SLIT2: variants seen among roughly 807,000 people sequenced by gnomAD.
The protein encoded by SLIT2 is slit guidance ligand 2, also known as slit homolog 2 protein.
In SLIT2, 41 loss-of-function variants were observed where a neutral mutation model predicts 185.7. The ratio of observed to expected loss-of-function variants is 0.22; its 90% CI spans 0.17 to 0.29. The LOEUF (loss-of-function observed/expected upper bound fraction) is 0.29, where lower values mean the gene tolerates loss of function less well. Among genes scored for constraint, SLIT2 ranks in the 10% least tolerant of loss-of-function variants. The pLI is 1.00. For missense variants in SLIT2, 1,571 were observed against 1,909.0 expected (o/e 0.82, Z 3.30); for synonymous variants, 693 against 680.2 (o/e 1.02, Z -0.29).
chr4:20,497,646 C>T (rs144317549), intron 9 of SLIT2, among the ~76,000 whole-genome samples: 49 of 152,188 alleles, frequency 3.2e-4, no homozygotes, highest in African/African-American at 1.1e-3. Context: ...CTTATTTCCC[C>T]GAATCTTCTC....
At chr4:20,443,515 T>C (rs1287370457) in intron 4 of SLIT2, among the ~76,000 whole-genome samples, 2 of 145,062 alleles carry the variant, frequency 1.4e-5, no homozygotes, top group African/African-American at 5.1e-5. Context: ...CATTCATTCA[T>C]TCATCACAAG....
intron 29 of SLIT2, among the ~76,000 whole-genome samples, chr4:20,587,604 TC>T (rs1727167266): frequency 1.3e-5 from 2 of 152,204 alleles, no homozygotes; most frequent in Non-Finnish European, 1.5e-5. Context: ...GTGGAGTAAT[TC>T]CTTTTAGACA....
chr4:20,494,121 G>A (rs1032907342), intron 9 of SLIT2, among the ~76,000 whole-genome samples: 4 of 152,250 alleles, frequency 2.6e-5, no homozygotes, highest in African/African-American at 9.6e-5. Flanking sequence ...TCTGATGGCT[G>A]TGTGCCAGTG....
At chr4:20,273,441 T>G (rs1713841242) in intron 4 of SLIT2, among the ~76,000 whole-genome samples, 1 of 152,120 alleles carries the variant, frequency 6.6e-6, no homozygotes, top group Admixed American at 6.6e-5. Flanking sequence ...GCTTGACCTT[T>G]AGAAGCTCTC....
intron 3 of SLIT2, among the ~76,000 whole-genome samples, chr4:20,268,317 C>A (rs1713244631): frequency 6.6e-6 from 1 of 151,362 alleles, no homozygotes; most frequent in South Asian, 2.1e-4. Flanking sequence ...TGGGACAAAT[C>A]ATGCTGACAA....
intron 4 of SLIT2, among the ~76,000 whole-genome samples, chr4:20,301,008 A>G (rs1716989500): frequency 6.6e-6 from 1 of 152,090 alleles, no homozygotes; most frequent in Non-Finnish European, 1.5e-5. Context: ...ATTTTGCCTT[A>G]TGCTAAAGAC....
At chr4:20,291,490 ATATTTTTTTTTTTTTTTTT>A (rs1489602336) in intron 4 of SLIT2, among the ~76,000 whole-genome samples, 2 of 9,960 alleles carry the variant, frequency 2.0e-4, no homozygotes, top group Non-Finnish European at 3.2e-4. Context: ...ATATATATAT[ATATTTTTTTTTTTTTTTTT>A]TTTTTTTTTT....
intron 26 of SLIT2, among the ~76,000 whole-genome samples, chr4:20,556,222 A>G (rs542478711): frequency 2.0e-5 from 3 of 152,016 alleles, no homozygotes; most frequent in African/African-American, 7.3e-5. Context: ...GCTGAGAAGT[A>G]TATCATTATT....
chr4:20,459,149 T>G (rs1713418031), intron 4 of SLIT2, among the ~76,000 whole-genome samples: 1 of 151,694 alleles, frequency 6.6e-6, no homozygotes, highest in East Asian at 1.9e-4. Flanking sequence ...AAAAACAGTT[T>G]TGGTGTAGGA....
chr4:20,558,118 G>T lies in SLIT2; in HGVS notation c.2725+4150G>T, dbSNP rs184422335. Among the ~76,000 whole-genome samples, 427 of 152,130 alleles carry T rather than the reference G, an allele frequency of 2.8e-3. 6 individuals are homozygous for T. The highest frequency in any genetic ancestry group is 9.5e-3 in the African/African-American group (395 of 41,448). On this transcript the variant is annotated intron_variant, in intron 26 of 36. Coordinates refer to ENST00000504154, the MANE Select transcript of SLIT2 (RefSeq NM_004787.4). ...GAACATTGTTGAAATAGCCACAAAG[G>T]ATTTAGAATATTATATAAACTTAGT...
intron 4 of SLIT2, among the ~76,000 whole-genome samples, chr4:20,305,411 ATTCT>A (rs1717448193): frequency 6.6e-6 from 1 of 152,240 alleles, no homozygotes; most frequent in Admixed American, 6.5e-5. Context: ...TAAGTCAGAC[ATTCT>A]TTCTATTAAA....
At chr4:20,504,363 G>C (rs535620254) in intron 9 of SLIT2, among the ~76,000 whole-genome samples, 6 of 152,108 alleles carry the variant, frequency 3.9e-5, no homozygotes, top group Non-Finnish European at 5.9e-5. Context: ...TGGAGAAAAC[G>C]CGAAGAAGTG....
chr4:20,514,211 A>C (rs1719994849), intron 11 of SLIT2, among the ~76,000 whole-genome samples: 1 of 152,212 alleles, frequency 6.6e-6, no homozygotes. Context: ...CTTACACCTG[A>C]TATTTTAATA....
At chr4:20,521,479 T>C (rs1357228940) in intron 12 of SLIT2, among the ~76,000 whole-genome samples, 1 of 152,194 alleles carries the variant, frequency 6.6e-6, no homozygotes, top group Non-Finnish European at 1.5e-5. Context: ...ACAAACTGCA[T>C]AGATGCAAGA....
At chr4:20,475,860 C>G (rs1052794194) in intron 5 of SLIT2, among the ~76,000 whole-genome samples, 3 of 152,080 alleles carry the variant, frequency 2.0e-5, no homozygotes, top group Non-Finnish European at 2.9e-5. Flanking sequence ...CTTCTTCCCC[C>G]CAAATTGACA....
intron 4 of SLIT2, among the ~76,000 whole-genome samples, chr4:20,428,505 TACTC>T (rs1171227810): frequency 6.6e-6 from 1 of 152,208 alleles, no homozygotes; most frequent in Non-Finnish European, 1.5e-5. Flanking sequence ...GGGGAATTGA[TACTC>T]AATAGGAAGA....
chr4:20,273,355 A>G (rs948835901), intron 4 of SLIT2, among the ~76,000 whole-genome samples: 3 of 152,104 alleles, frequency 2.0e-5, no homozygotes, highest in Admixed American at 6.6e-5. Context: ...AATTATTTTT[A>G]TGATTATACA....
At chr4:20,387,507 A>G (rs903636494) in intron 4 of SLIT2, among the ~76,000 whole-genome samples, 6 of 152,108 alleles carry the variant, frequency 3.9e-5, no homozygotes, top group Non-Finnish European at 7.4e-5. Flanking sequence ...TCTGCATTCA[A>G]TCTTGAAATA....
chr4:20,333,149 C>T (rs2109206108), intron 4 of SLIT2, among the ~76,000 whole-genome samples: 1 of 152,146 alleles, frequency 6.6e-6, no homozygotes, highest in East Asian at 1.9e-4. Context: ...TACCCTTATA[C>T]ATATTGAAAT....
Sources: allele counts gnomAD v4.1 joint callset (sites outside exome capture counted in the v4.1 genomes callset), GRCh38; gene constraint gnomAD v4.1.1; transcripts MANE v1.5; gene names NCBI Gene and HGNC (gene_info 2026-07-23, HGNC 2026-07-21).